PHACTR3: variants seen among roughly 807,000 people sequenced by gnomAD.
PHACTR3 encodes phosphatase and actin regulator 3.
Under a neutral mutation model 66.8 loss-of-function variants are expected in PHACTR3, and 16 were observed. That is an observed-to-expected ratio of 0.24 (90% confidence interval 0.16 to 0.36). The LOEUF is 0.36. Among genes scored for constraint, PHACTR3 ranks in the 10% least tolerant of loss-of-function variants. The probability of loss-of-function intolerance (pLI) is 1.00; values close to 1 mark genes in which losing one functional copy is unlikely to be tolerated. For missense variants in PHACTR3, 647 were observed against 719.9 expected, an observed-to-expected ratio of 0.90 and a Z score of 1.16; for synonymous variants, 323 against 292.1, an observed-to-expected ratio of 1.11 and a Z score of -1.08.
At chr20:59,791,586 T>C (rs2041097341) in intron 7 of PHACTR3, among the ~76,000 whole-genome samples, 1 of 151,708 alleles carries the variant, frequency 6.6e-6, no homozygotes, top group Non-Finnish European at 1.5e-5. Context: ...TGAGCACTTT[T>C]CTTTTTTCTT....
At chr20:59,773,176 G>T in intron 5 of PHACTR3, 103 bp from the exon 6 acceptor site, 1 of 1,336,312 alleles carries the variant, frequency 7.5e-7, no homozygotes, top group Non-Finnish European at 1.0e-6. Context: ...CCTCCTGGAG[G>T]TGCAGGGGAG....
Position 59,829,721 on chromosome 20 carries a change from G to A in PHACTR3, c.1329-6784G>A, listed in dbSNP as rs886948299. Among the ~76,000 whole-genome samples, 6 of 152,244 alleles carry A rather than the reference G, an allele frequency of 3.9e-5. No homozygotes were observed. The highest frequency in any genetic ancestry group is 5.9e-5 in the Non-Finnish European group (4 of 68,044). On this transcript the variant is annotated intron_variant, in intron 8 of 12. Coordinates refer to ENST00000371015, the MANE Select transcript of PHACTR3 (RefSeq NM_080672.5). The surrounding 1 kb of genome is among the most constrained non-coding windows in gnomAD (Gnocchi z 4.2). ...AGGAGCCTCCCAAAATAGCCCGGGC[G>A]TCCCCTGTGGGTGTCGAGCTGTCTG...
At chr20:59,586,976 T>C (rs926628358) in intron 1 of PHACTR3, among the ~76,000 whole-genome samples, 1 of 152,362 alleles carries the variant, frequency 6.6e-6, no homozygotes, top group Non-Finnish European at 1.5e-5. Context: ...ATCCCATTGG[T>C]TCTGGAAAGT....
At chr20:59,588,813 A>G (rs1376134452) in intron 1 of PHACTR3, among the ~76,000 whole-genome samples, 1 of 152,204 alleles carries the variant, frequency 6.6e-6, no homozygotes, top group Non-Finnish European at 1.5e-5. Context: ...AGAGACTCAA[A>G]TGATCAAATA....
At chr20:59,664,988 C>T (rs112781506) in intron 1 of PHACTR3, among the ~76,000 whole-genome samples, 11 of 152,316 alleles carry the variant, frequency 7.2e-5, no homozygotes, top group Non-Finnish European at 1.5e-4. Context: ...GTCTCCTTCC[C>T]TAATAGTATA....
At chr20:59,840,224 T>G in intron 9 of PHACTR3, 145 bp from the exon 10 acceptor site, 1 of 1,314,892 alleles carries the variant, frequency 7.6e-7, no homozygotes, top group Non-Finnish European at 1.0e-6. Context: ...ACTGACAAAG[T>G]GGGAAGAAAA....
intron 2 of PHACTR3, among the ~76,000 whole-genome samples, chr20:59,747,200 G>T (rs2039402511): frequency 6.6e-6 from 1 of 152,254 alleles, no homozygotes; most frequent in South Asian, 2.1e-4. Context: ...GGTGGAAGGG[G>T]ACTGGGGGCT....
intron 8 of PHACTR3, among the ~76,000 whole-genome samples, chr20:59,832,490 T>C (rs1260442233): frequency 1.3e-5 from 2 of 152,200 alleles, no homozygotes; most frequent in Non-Finnish European, 2.9e-5. Flanking sequence ...TTGTCCTTGG[T>C]ATCTGGTGGG....
chr20:59,640,361 G>C (rs2035059605), intron 1 of PHACTR3, among the ~76,000 whole-genome samples: 1 of 152,230 alleles, frequency 6.6e-6, no homozygotes, highest in Admixed American at 6.5e-5. Context: ...GTTGAAGAAA[G>C]ATTTCTCCAA....
intron 1 of PHACTR3, among the ~76,000 whole-genome samples, chr20:59,712,167 A>G (rs1202116920): frequency 6.6e-6 from 1 of 152,090 alleles, no homozygotes; most frequent in Non-Finnish European, 1.5e-5. Context: ...TTTTTTCCCT[A>G]GATTTTCTAC....
intron 1 of PHACTR3, among the ~76,000 whole-genome samples, chr20:59,677,976 G>A (rs2036508977): frequency 6.6e-6 from 1 of 152,154 alleles, no homozygotes; most frequent in Non-Finnish European, 1.5e-5. Context: ...TTCCCAATAA[G>A]ATGTTCTGAA....
chr20:59,749,256 G>A (rs1216878315), intron 3 of PHACTR3, among the ~76,000 whole-genome samples: 3 of 152,118 alleles, frequency 2.0e-5, no homozygotes, highest in African/African-American at 7.2e-5. Context: ...TAGGGAAGGA[G>A]AAAGGAAGAT....
At chr20:59,727,724 C>T (rs1049722693) in intron 1 of PHACTR3, among the ~76,000 whole-genome samples, 8 of 152,130 alleles carry the variant, frequency 5.3e-5, no homozygotes, top group African/African-American at 7.2e-5. Context: ...CTCTGAAATT[C>T]GAAACTTTTT....
At chr20:59,733,392 C>A (rs1363225989) in intron 1 of PHACTR3, among the ~76,000 whole-genome samples, 1 of 152,182 alleles carries the variant, frequency 6.6e-6, no homozygotes, top group Non-Finnish European at 1.5e-5. Flanking sequence ...ATGCCCAGCA[C>A]TTTTTCTGTA....
At chr20:59,602,781 G>C (rs1368409978), upstream of PHACTR3, among the ~76,000 whole-genome samples, 2 of 152,202 alleles carry the variant, frequency 1.3e-5, no homozygotes, top group Non-Finnish European at 2.9e-5. Flanking sequence ...GGCATGGTTG[G>C]GGGCAAGGAT....
Position 59,604,590 on chromosome 20 carries a change from G to C in PHACTR3, c.-425G>C. 4.2e-6 allele frequency: 2 copies of C among 475,432 alleles called. No individual in the cohort carries two copies. The highest frequency in any genetic ancestry group is 5.5e-6 in the Non-Finnish European group (2 of 366,680). 29.5% of individuals were successfully genotyped at this position (475,432 alleles called of 1,614,324 possible). ...GATTCTTCCTTTTCCCTTTTTTCCT[G>C]GGGGGGTGGGGGGTGGGGTGGGGGG... On this transcript the variant is annotated 5_prime_UTR_variant, in exon 1 of 13. Transcript: ENST00000371015.
intron 1 of PHACTR3, among the ~76,000 whole-genome samples, chr20:59,670,346 A>G (rs1320894409): frequency 6.6e-6 from 1 of 152,250 alleles, no homozygotes; most frequent in East Asian, 1.9e-4. Flanking sequence ...CAAGTTCAGA[A>G]ATGGGTGGAC....
intron 10 of PHACTR3, among the ~76,000 whole-genome samples, chr20:59,841,069 A>AAAAAGCTTATCTAATT (rs1162106986): frequency 1.3e-5 from 2 of 152,214 alleles, no homozygotes; most frequent in African/African-American, 4.8e-5. Context: ...TAGTACTTTT[A>AAAAAGCTTATCTAATT]AAAAGCTTAT....
At chr20:59,605,214 G>C (rs190653926) in intron 1 of PHACTR3, 82 bp downstream of exon 1, 1 of 1,002,960 alleles carries the variant, frequency 1.0e-6, no homozygotes, top group Non-Finnish European at 1.3e-6. Context: ...GCGAGGCTCC[G>C]CGCCCCGCCT....
Sources: allele counts gnomAD v4.1 joint callset (sites outside exome capture counted in the v4.1 genomes callset), GRCh38; gene constraint gnomAD v4.1.1; non-coding constraint Gnocchi (gnomAD v3.1); transcripts MANE v1.5; gene names NCBI Gene and HGNC (gene_info 2026-07-23, HGNC 2026-07-21).